RNF212B: variants seen among roughly 807,000 people sequenced by gnomAD.
RNF212B encodes the protein ring finger protein 212B, also known as E3 ubiquitin-protein ligase RNF212B.
RNF212B carries 52 observed loss-of-function variants against 55.5 expected under a neutral mutation model. That is an observed-to-expected ratio of 0.94 (90% CI 0.75 to 1.18). The LOEUF is 1.18. Among genes scored for constraint, RNF212B ranks in the 50% most tolerant of loss-of-function variants. The probability of loss-of-function intolerance (pLI) is 0.00; values close to 1 mark genes in which losing one functional copy is unlikely to be tolerated. For missense variants in RNF212B, 289 were observed against 350.4 expected (o/e 0.82, Z 1.40); for synonymous variants, 99 against 121.4 (o/e 0.82, Z 1.21).
intron 2 of RNF212B, among the ~76,000 whole-genome samples, chr14:23,209,873 C>T (rs1465479673): frequency 1.3e-5 from 2 of 152,298 alleles, no homozygotes; most frequent in African/African-American, 4.8e-5. Flanking sequence ...CTATGACTGG[C>T]CCAGTGAGGT....
chr14:23,193,111 A>G (rs1878282645), intron 1 of RNF212B, among the ~76,000 whole-genome samples: 1 of 147,100 alleles, frequency 6.8e-6, no homozygotes, highest in Admixed American at 6.8e-5. Context: ...AAAAAAAAAA[A>G]AAAAAAAGAA....
chr14:23,216,373 G>A (rs1266263161), intron 2 of RNF212B, among the ~76,000 whole-genome samples: 1 of 151,848 alleles, frequency 6.6e-6, no homozygotes, highest in East Asian at 1.9e-4. Context: ...AAAAAGAAGT[G>A]AAACAGAGGA....
intron 2 of RNF212B, among the ~76,000 whole-genome samples, chr14:23,212,295 A>G (rs1456807634): frequency 6.6e-6 from 1 of 152,216 alleles, no homozygotes; most frequent in African/African-American, 2.4e-5. Flanking sequence ...GTTAGGCAAG[A>G]AAAAATAAAG....
intron 1 of RNF212B, 71 bp from the exon 2 acceptor site, chr14:23,240,274 A>G: frequency 9.7e-7 from 1 of 1,034,818 alleles, no homozygotes; most frequent in African/African-American, 1.6e-5. Context: ...GCACGGTTAC[A>G]TAGATTTTGG....
intron 5 of RNF212B, chr14:23,259,651 C>T: frequency 3.2e-6 from 1 of 315,284 alleles, no homozygotes; most frequent in East Asian, 5.8e-5. Flanking sequence ...GAATTCTTTG[C>T]AAATTCCCCT....
At chr14:23,254,569 C>T (rs1884665897) in intron 4 of RNF212B, among the ~76,000 whole-genome samples, 1 of 152,086 alleles carries the variant, frequency 6.6e-6, no homozygotes, top group Non-Finnish European at 1.5e-5. Flanking sequence ...TATGTGTGTG[C>T]TTTTGGTAGA....
chr14:23,194,338 C>T (rs777173125), intron 2 of RNF212B, among the ~76,000 whole-genome samples: 6 of 151,766 alleles, frequency 4.0e-5, no homozygotes, highest in Admixed American at 2.6e-4. Context: ...CTTCTAAGTA[C>T]CTAAAAATAA....
chr14:23,225,635 G>C (rs1881932805), intron 2 of RNF212B, among the ~76,000 whole-genome samples: 1 of 149,278 alleles, frequency 6.7e-6, no homozygotes, highest in Admixed American at 6.7e-5. Flanking sequence ...AGAATAGAAG[G>C]ATGGTTATTA....
At chr14:23,203,148 A>G (rs950071924) in intron 2 of RNF212B, among the ~76,000 whole-genome samples, 10 of 151,516 alleles carry the variant, frequency 6.6e-5, no homozygotes, top group Non-Finnish European at 1.3e-4. Context: ...CACCCCCAAG[A>G]TCCCAAAGTC....
chr14:23,195,936 C>A (rs1878617813), intron 2 of RNF212B, among the ~76,000 whole-genome samples: 1 of 152,180 alleles, frequency 6.6e-6, no homozygotes, highest in African/African-American at 2.4e-5. Flanking sequence ...GACTCTAAAT[C>A]TTGATTGACC....
chr14:23,240,680 C>T (rs551383503), intron 2 of RNF212B, among the ~76,000 whole-genome samples: 2 of 152,156 alleles, frequency 1.3e-5, no homozygotes, highest in South Asian at 2.1e-4. Context: ...AGAATGTACT[C>T]GTTAGTGTTT....
At chr14:23,264,118 T>TA (rs1415298265) in intron 9 of RNF212B, 56 bp from the exon 10 acceptor site, 2 of 1,389,764 alleles carry the variant, frequency 1.4e-6, no homozygotes, top group African/African-American at 2.9e-5. Flanking sequence ...ACAACAACAA[T>TA]AAAAAGTAAA....
chr14:23,232,736 T>TGG (rs1299101331), intron 2 of RNF212B, among the ~76,000 whole-genome samples: 1 of 78,908 alleles, frequency 1.3e-5, no homozygotes, highest in Admixed American at 1.1e-4. Context: ...GGGAGGGAGG[T>TGG]GGGGGGGTCA....
intron 4 of RNF212B, among the ~76,000 whole-genome samples, chr14:23,245,274 A>G (rs1055347846): frequency 3.9e-5 from 6 of 152,154 alleles, no homozygotes; most frequent in African/African-American, 1.4e-4. Context: ...AGGGGAATTA[A>G]GGCTTGCTGC....
At chr14:23,228,845 A>G (rs1882274943) in intron 2 of RNF212B, among the ~76,000 whole-genome samples, 1 of 151,942 alleles carries the variant, frequency 6.6e-6, no homozygotes, top group Admixed American at 6.6e-5. Context: ...TAGAACACTG[A>G]TTTTCCTTTT....
intron 1 of RNF212B, among the ~76,000 whole-genome samples, chr14:23,238,989 A>G (rs1217918807): frequency 1.3e-5 from 2 of 152,292 alleles, no homozygotes; most frequent in South Asian, 2.1e-4. Flanking sequence ...ACTGAATATC[A>G]GGTACCTCTT....
At chr14:23,225,930 A>G (rs1881961781) in intron 2 of RNF212B, among the ~76,000 whole-genome samples, 1 of 152,170 alleles carries the variant, frequency 6.6e-6, no homozygotes, top group Non-Finnish European at 1.5e-5. Flanking sequence ...ACTATTACAC[A>G]TTGCAAAATA....
At chr14:23,249,231 C>T (rs1043547988) in intron 4 of RNF212B, among the ~76,000 whole-genome samples, 1 of 152,182 alleles carries the variant, frequency 6.6e-6, no homozygotes, top group Non-Finnish European at 1.5e-5. Flanking sequence ...AGAGCTTCTC[C>T]ATCCCTCAGC....
intron 4 of RNF212B, among the ~76,000 whole-genome samples, chr14:23,255,165 T>A (rs1884741704): frequency 6.6e-6 from 1 of 152,200 alleles, no homozygotes; most frequent in African/African-American, 2.4e-5. Flanking sequence ...TATGCACTTT[T>A]TGTTCTCTGT....
Sources: allele counts gnomAD v4.1 joint callset (sites outside exome capture counted in the v4.1 genomes callset), GRCh38; gene constraint gnomAD v4.1.1; transcripts MANE v1.5; gene names NCBI Gene and HGNC (gene_info 2026-07-23, HGNC 2026-07-21).